MEMO1: variants seen among roughly 807,000 people sequenced by gnomAD.
MEMO1 encodes mediator of cell motility 1.
Under a neutral mutation model 45.2 loss-of-function variants are expected in MEMO1, and 6 were observed. That is an observed-to-expected ratio of 0.13 (90% confidence interval 0.07 to 0.26). The LOEUF is 0.26. Ranked by LOEUF, MEMO1 falls within the 10% of genes least tolerant of loss-of-function variation. MEMO1 has a pLI of 1.00. For missense variants in MEMO1, 184 were observed against 370.5 expected (o/e 0.50, Z 4.13); for synonymous variants, 78 against 124.3 (o/e 0.63, Z 2.48).
rs545853714 is a variant in MEMO1 at position 31,904,690 on chromosome 2, T to C, written c.438-12556A>G. Among the ~76,000 whole-genome samples, 7 of 152,294 alleles carry C rather than the reference T, an allele frequency of 4.6e-5. No homozygotes were observed. The South Asian group carries it at 1.5e-3, about 32-fold the overall frequency. ...GCATCCTGTTGCACAGTCCAGTTCC[T>C]AACAGGCCACGGACCAGCTGAGGAC... On this transcript the variant is annotated intron_variant, in intron 6 of 9. Coordinates refer to ENST00000404530, the MANE Select transcript of MEMO1 (RefSeq NM_001301833.4).
intron 2 of MEMO1, among the ~76,000 whole-genome samples, chr2:32,005,557 C>T (rs868150317): frequency 6.6e-6 from 1 of 151,858 alleles, no homozygotes; most frequent in African/African-American, 2.4e-5. Context: ...AAAAATCTTA[C>T]ACTCCCTGGA....
At chr2:31,933,718 C>T (rs957644094) in intron 3 of MEMO1, among the ~76,000 whole-genome samples, 4 of 151,988 alleles carry the variant, frequency 2.6e-5, no homozygotes, top group African/African-American at 9.7e-5. Flanking sequence ...ACACTAAGTT[C>T]ACTGAAATCA....
intron 7 of MEMO1, among the ~76,000 whole-genome samples, chr2:31,891,122 T>C (rs182118949): frequency 4.6e-5 from 7 of 152,340 alleles, no homozygotes. Context: ...GATGTTCTCC[T>C]GGCTATTCTA....
chr2:31,938,475 T>A (rs1264990014), intron 3 of MEMO1, among the ~76,000 whole-genome samples: 1 of 151,596 alleles, frequency 6.6e-6, no homozygotes, highest in Non-Finnish European at 1.5e-5. Context: ...TGAAACCACG[T>A]CTCTACTAAA....
At chr2:31,899,470 C>T (rs565828497) in intron 6 of MEMO1, among the ~76,000 whole-genome samples, 3 of 152,302 alleles carry the variant, frequency 2.0e-5, no homozygotes, top group South Asian at 2.1e-4. Flanking sequence ...GTTGGGAAAA[C>T]TGGCTAGCTA....
chr2:31,876,016 T>C (rs1674509097), intron 8 of MEMO1, among the ~76,000 whole-genome samples: 1 of 152,168 alleles, frequency 6.6e-6, no homozygotes, highest in Non-Finnish European at 1.5e-5. Context: ...CCCTCCTGTG[T>C]AATCCATTTG....
chr2:31,970,753 C>T (rs1180882246), intron 2 of MEMO1, among the ~76,000 whole-genome samples: 1 of 152,124 alleles, frequency 6.6e-6, no homozygotes. Flanking sequence ...CCTGTAATCC[C>T]GGCACTTTGG....
chr2:32,008,872 G>C lies in MEMO1; in HGVS notation c.61+1315C>G, dbSNP rs143110025. ...TAAGGTACATGTATTTAATGAGCTA[G>C]TTTAGCAACCTCAGAGAAATGAATT... On this transcript the variant is annotated intron_variant, in intron 2 of 9. Coordinates refer to ENST00000404530, the MANE Select transcript of MEMO1 (RefSeq NM_001301833.4). Among the ~76,000 whole-genome samples, 161 of 152,296 alleles carry C rather than the reference G, an allele frequency of 1.1e-3. 1 individual carries two copies. The East Asian group carries it at 0.028, about 26-fold the overall frequency.
rs920131001 is a variant in MEMO1, at chr2:32,009,187, A to G, written c.61+1000T>C. Among the ~76,000 whole-genome samples the G allele has an allele frequency of 3.9e-5, 6 of 152,330 alleles. No individual in the cohort carries two copies. The South Asian group carries it at 1.2e-3, about 32-fold the overall frequency. On this transcript the variant is annotated intron_variant, in intron 2 of 9. Transcript: ENST00000404530. ...TCTAAAATGCTTTTAGACAGTGGAG[A>G]CAGAAAACTCAACTCGCTCAAAGCT...
chr2:31,868,231 A>C lies in MEMO1; in HGVS notation c.*130T>G, dbSNP rs1316265957. ...AGGACTACACCTACTAGAAAAAAAG[A>C]GAAGAAAGTTCTATTAGTTTGAGGT... On this transcript the variant is annotated 3_prime_UTR_variant, in exon 10 of 10. Coordinates refer to ENST00000404530, the MANE Select transcript of MEMO1 (RefSeq NM_001301833.4). 1.2e-6 allele frequency: 1 copy of C among 834,228 alleles called. No homozygotes were observed. The highest frequency in any genetic ancestry group is 1.6e-6 in the Non-Finnish European group (1 of 608,314). The allele number at this position is 834,228 out of a possible 1,614,324, so 51.7% of individuals were successfully genotyped here. A position where few individuals can be genotyped will look rare whatever the true frequency, so the allele number is the denominator to read the frequency against.
intron 7 of MEMO1, among the ~76,000 whole-genome samples, chr2:31,885,206 G>T (rs921568448): frequency 6.6e-6 from 1 of 152,054 alleles, no homozygotes; most frequent in African/African-American, 2.4e-5. Flanking sequence ...TGCAACCTCT[G>T]CCTCCCGGGT....
chr2:31,981,044 A>G (rs1252573670), intron 2 of MEMO1, among the ~76,000 whole-genome samples: 1 of 152,248 alleles, frequency 6.6e-6, no homozygotes, highest in African/African-American at 2.4e-5. Context: ...TCGTACACCA[A>G]TTCAGAAGAA....
At chr2:31,983,843 T>C (rs1011704386) in intron 2 of MEMO1, among the ~76,000 whole-genome samples, 1 of 152,222 alleles carries the variant, frequency 6.6e-6, no homozygotes, top group Admixed American at 6.5e-5. Context: ...GCTTGAAGCA[T>C]CTTGAAGAAA....
At chr2:31,931,229 TTGAA>T (rs769199901) in intron 4 of MEMO1, among the ~76,000 whole-genome samples, 32 of 152,178 alleles carry the variant, frequency 2.1e-4, no homozygotes, top group Non-Finnish European at 4.3e-4. Flanking sequence ...TTTTAAAACT[TTGAA>T]TGAACTGCTC....
chr2:31,892,628 T>A (rs1677143939), intron 6 of MEMO1, among the ~76,000 whole-genome samples: 1 of 152,204 alleles, frequency 6.6e-6, no homozygotes, highest in Non-Finnish European at 1.5e-5. Context: ...AAAAACTTAA[T>A]CTTGGCTCCC....
Position 31,883,434 on chromosome 2 carries a change from A to G in MEMO1, c.609T>C (p.Asp203=), listed in dbSNP as rs773833744. The change falls in exon 8 of 10, where the codon GAT becomes GAC. Residue 203 remains aspartate (D), a synonymous_variant. Coordinates refer to ENST00000404530, the MANE Select transcript of MEMO1 (RefSeq NM_001301833.4). ...WGQRFRYSYY[D]ESQGEIYRSI... Reference sequence around the variant, plus strand: ...ATCTATAAATCTCCCCCTGGGATTCATCATAGTAACTGTAACGGAACCTTT... The same window carrying G: ...ATCTATAAATCTCCCCCTGGGATTCGTCATAGTAACTGTAACGGAACCTTT... 1.3e-6 allele frequency: 2 copies of G among 1,594,556 alleles called. No individual in the cohort carries two copies. The highest frequency in any genetic ancestry group is 1.7e-6 in the Non-Finnish European group (2 of 1,172,060).
At chr2:31,920,425 T>G (rs1553366331) in intron 5 of MEMO1, among the ~76,000 whole-genome samples, 1 of 152,170 alleles carries the variant, frequency 6.6e-6, no homozygotes, top group Non-Finnish European at 1.5e-5. Flanking sequence ...GCATTATCTA[T>G]TTACAGTGAG....
intron 2 of MEMO1, among the ~76,000 whole-genome samples, 170 bp downstream of exon 2, chr2:32,010,017 G>T (rs1236427384): frequency 6.7e-6 from 1 of 148,762 alleles, no homozygotes; most frequent in Non-Finnish European, 1.5e-5. Flanking sequence ...TGGGGGAGGC[G>T]GCGAGGCCGG....
chr2:32,007,888 T>G (rs891387758), intron 2 of MEMO1, among the ~76,000 whole-genome samples: 1 of 152,198 alleles, frequency 6.6e-6, no homozygotes, highest in Non-Finnish European at 1.5e-5. Context: ...CTTTTACAAT[T>G]GAATTGCTTT....
Sources: allele counts gnomAD v4.1 joint callset (sites outside exome capture counted in the v4.1 genomes callset), GRCh38; gene constraint gnomAD v4.1.1; transcripts MANE v1.5; gene names NCBI Gene and HGNC (gene_info 2026-07-23, HGNC 2026-07-21).